Variants in SHANK2 observed in about 807,000 individuals in gnomAD.
The protein encoded by SHANK2 is SH3 and multiple ankyrin repeat domains 2.
Under a neutral mutation model 133.7 loss-of-function variants are expected in SHANK2, and 43 were observed. That is an observed-to-expected ratio of 0.32 (90% confidence interval 0.25 to 0.41). The LOEUF (loss-of-function observed/expected upper bound fraction) is 0.41. Ranked by LOEUF, SHANK2 falls within the 10% of genes least tolerant of loss-of-function variation. The pLI is 1.00. For synonymous variants in SHANK2, 1,017 were observed against 952.8 expected (o/e 1.07, Z -1.24); for missense variants, 1,994 against 2,235.8 (o/e 0.89, Z 2.18).
intron 11 of SHANK2, among the ~76,000 whole-genome samples, chr11:70,886,413 G>T (rs1344806148): frequency 6.6e-6 from 1 of 152,144 alleles, no homozygotes; most frequent in Non-Finnish European, 1.5e-5. Flanking sequence ...CGGGGACCCC[G>T]ACCACTCTGA....
chr11:71,147,427 C>G (rs1952677635), intron 2 of SHANK2, 89 bp from the exon 3 acceptor site: 1 of 1,054,464 alleles, frequency 9.5e-7, no homozygotes, highest in Non-Finnish European at 1.3e-6. Flanking sequence ...CGCTGGAACA[C>G]ACGTGGGCTC....
At chr11:71,227,616 A>C (rs1231181313) in intron 1 of SHANK2, among the ~76,000 whole-genome samples, 2 of 152,082 alleles carry the variant, frequency 1.3e-5, no homozygotes, top group African/African-American at 2.4e-5. Context: ...CTTATAACTG[A>C]ATACAACTTT....
At chr11:71,085,735 T>C (rs1951386295) in intron 8 of SHANK2, among the ~76,000 whole-genome samples, 1 of 77,028 alleles carries the variant, frequency 1.3e-5, no homozygotes, top group East Asian at 4.1e-4. Flanking sequence ...TAAAATATAA[T>C]ATATTATATA....
At chr11:70,693,298 CTT>C (rs1391815386) in intron 15 of SHANK2, among the ~76,000 whole-genome samples, 1 of 152,246 alleles carries the variant, frequency 6.6e-6, no homozygotes, top group Non-Finnish European at 1.5e-5. Flanking sequence ...AGACCCAACT[CTT>C]TTCATGAAGC....
At chr11:70,912,846 T>G (rs1555079270) in intron 10 of SHANK2, among the ~76,000 whole-genome samples, 1 of 152,148 alleles carries the variant, frequency 6.6e-6, no homozygotes, top group East Asian at 1.9e-4. Flanking sequence ...TTGGTCAGCT[T>G]CTACAGAAAT....
At chr11:70,631,529 T>C (rs1555002235) in intron 17 of SHANK2, among the ~76,000 whole-genome samples, 1 of 152,114 alleles carries the variant, frequency 6.6e-6, no homozygotes, top group African/African-American at 2.4e-5. Context: ...CTCGGCAAAG[T>C]CCCAGCGGAC....
chr11:70,810,785 G>A (rs1948261983), intron 12 of SHANK2, among the ~76,000 whole-genome samples: 1 of 152,190 alleles, frequency 6.6e-6, no homozygotes, highest in Non-Finnish European at 1.5e-5. Context: ...CAGATGAGAA[G>A]CTCAGTTCCC....
chr11:70,505,854 A>G (rs1231797320), intron 17 of SHANK2, among the ~76,000 whole-genome samples: 1 of 151,942 alleles, frequency 6.6e-6, no homozygotes, highest in African/African-American at 2.4e-5. Flanking sequence ...CCTGCTAACC[A>G]TCACGGCCTT....
intron 9 of SHANK2, among the ~76,000 whole-genome samples, chr11:71,062,996 C>CAAAAAAAAAAAA (rs1169050698): frequency 2.9e-5 from 2 of 69,722 alleles, no homozygotes; most frequent in African/African-American, 1.1e-4. Context: ...GACCCTGTCT[C>CAAAAAAAAAAAA]AAAAAAAAAA....
chr11:70,697,470 T>C (rs1284050478), intron 15 of SHANK2, among the ~76,000 whole-genome samples: 2 of 151,820 alleles, frequency 1.3e-5, no homozygotes, highest in African/African-American at 4.8e-5. Flanking sequence ...AGCAGGTGGG[T>C]GGGTGCGAGG....
intron 14 of SHANK2, among the ~76,000 whole-genome samples, chr11:70,742,698 G>A (rs951130687): frequency 6.6e-6 from 1 of 152,174 alleles, no homozygotes; most frequent in Non-Finnish European, 1.5e-5. Flanking sequence ...AAAAGGAGGC[G>A]GATTCAGAGC....
chr11:71,082,578 C>G (rs1951314774), intron 8 of SHANK2, among the ~76,000 whole-genome samples: 3 of 152,198 alleles, frequency 2.0e-5, no homozygotes, highest in African/African-American at 7.2e-5. Context: ...AGGAAGGTAA[C>G]CAGAAAGCTT....
At chr11:70,661,016 C>G (rs2061479695) in intron 16 of SHANK2, among the ~76,000 whole-genome samples, 1 of 152,218 alleles carries the variant, frequency 6.6e-6, no homozygotes, top group Admixed American at 6.5e-5. Flanking sequence ...CATTCCTGAG[C>G]CTCCCACGAC....
chr11:70,695,633 C>G (rs1397723161), intron 15 of SHANK2, among the ~76,000 whole-genome samples: 2 of 152,158 alleles, frequency 1.3e-5, no homozygotes, highest in Admixed American at 6.5e-5. Flanking sequence ...GCCCACAGAT[C>G]AGGCCGCATA....
intron 17 of SHANK2, among the ~76,000 whole-genome samples, chr11:70,622,455 C>T (rs555136020): frequency 1.3e-5 from 2 of 152,260 alleles, no homozygotes; most frequent in South Asian, 4.1e-4. Flanking sequence ...TACAAAGCAA[C>T]ACAAACTGGG....
intron 11 of SHANK2, among the ~76,000 whole-genome samples, chr11:70,828,852 G>A (rs1411977058): frequency 6.6e-6 from 1 of 152,224 alleles, no homozygotes; most frequent in Admixed American, 6.5e-5. Context: ...ACTCAGTGAC[G>A]CTCAACACCC....
At chr11:71,101,562 G>T (rs1313806369) in intron 6 of SHANK2, among the ~76,000 whole-genome samples, 1 of 152,206 alleles carries the variant, frequency 6.6e-6, no homozygotes, top group African/African-American at 2.4e-5. Context: ...GCAGATGGAG[G>T]TTTACGAGGT....
chr11:70,540,417 G>GC (rs1315766782), intron 17 of SHANK2, among the ~76,000 whole-genome samples: 1 of 151,944 alleles, frequency 6.6e-6, no homozygotes, highest in African/African-American at 2.4e-5. Flanking sequence ...GCAGGCTGGG[G>GC]CTCCTCTCTC....
rs73521129 is a variant in SHANK2 at position 71,093,070 on chromosome 11, T to C, written c.745-481A>G. Among the ~76,000 whole-genome samples, 900 of 127,478 alleles carry C rather than the reference T, an allele frequency of 7.1e-3. 22 individuals are homozygous for C. Among genetic ancestry groups the C allele is most frequent in the African/African-American group, 0.023 (790 of 34,892 alleles). 83.6% of individuals were successfully genotyped at this position (127,478 alleles called of 152,430 possible). A position where few individuals can be genotyped will look rare whatever the true frequency, so the allele number is the denominator to read the frequency against. On this transcript the variant is annotated intron_variant, in intron 7 of 25. Coordinates refer to ENST00000601538, the MANE Select transcript of SHANK2 (RefSeq NM_012309.5). ...AAATAAAGGGGGGGGGGGGCAGGTA[T>C]AACTTTAGACAACTACATTTCTAGT...
Sources: gnomAD v4.1 joint callset for allele counts (sites outside exome capture counted in the v4.1 genomes callset) on GRCh38, gnomAD v4.1.1 for gene constraint, MANE v1.5 for transcripts, NCBI Gene and HGNC (gene_info 2026-07-23, HGNC 2026-07-21) for gene names.